The following SRGAP2B variants were observed in gnomAD, a reference collection of about 807,000 sequenced individuals.
SRGAP2B encodes the protein SLIT-ROBO Rho GTPase activating protein 2B.
Under a neutral mutation model 22.2 loss-of-function variants are expected in SRGAP2B, and 9 were observed. The observed-to-expected ratio is 0.41, with a 90% CI of 0.24 to 0.71. The LOEUF (loss-of-function observed/expected upper bound fraction) is 0.71, where lower values mean the gene tolerates loss of function less well. SRGAP2B is among the 30% of genes least tolerant of loss of function. SRGAP2B has a pLI of 0.35. For missense variants in SRGAP2B, 114 were observed against 235.8 expected (o/e 0.48, Z 3.38); for synonymous variants, 36 against 87.4 (o/e 0.41, Z 3.28).
intron 3 of SRGAP2B, among the ~76,000 whole-genome samples, chr1:144,974,037 T>C (rs1553613800): frequency 6.6e-6 from 1 of 151,102 alleles, no homozygotes; most frequent in Admixed American, 6.6e-5. Flanking sequence ...ATAAGGTCCC[T>C]AGTCCTAGAT....
chr1:145,006,116 C>T (rs1283997912), intron 2 of SRGAP2B, among the ~76,000 whole-genome samples: 10 of 150,924 alleles, frequency 6.6e-5, no homozygotes, highest in Non-Finnish European at 1.3e-4. Context: ...CTCTCAATCC[C>T]ACCCAGGCTT....
chr1:145,016,927 C>G (rs1571018018), intron 2 of SRGAP2B, among the ~76,000 whole-genome samples: 1 of 146,898 alleles, frequency 6.8e-6, no homozygotes, highest in African/African-American at 2.6e-5. Context: ...CTGCTCACCG[C>G]AAGCACCGCC....
rs1384114946 is a variant in SRGAP2B, at chr1:145,093,936, T to A, written c.-542-493A>T. Among the ~76,000 whole-genome samples the A allele has an allele frequency of 5.4e-5, 8 of 149,142 alleles. No homozygotes were observed. The East Asian group carries it at 7.8e-4, about 15-fold the overall frequency. ...TTTGTTTTTGGTTACTAGCTTCTCT[T>A]GGCAGCAAAATGTTGATGGGGGGGC... is the stretch of plus-strand genomic sequence containing the variant. On this transcript the variant is annotated intron_variant, in intron 1 of 9. Transcript: ENST00000612199.
intron 3 of SRGAP2B, among the ~76,000 whole-genome samples, chr1:144,963,973 C>T (rs1283105284): frequency 1.3e-5 from 2 of 150,820 alleles, no homozygotes; most frequent in East Asian, 1.9e-4. Context: ...AGTCCCCTTA[C>T]ATGGCTCATA....
intron 3 of SRGAP2B, among the ~76,000 whole-genome samples, chr1:144,971,915 G>A (rs1458601963): frequency 6.7e-6 from 1 of 149,916 alleles, no homozygotes; most frequent in Non-Finnish European, 1.5e-5. Context: ...TTTCATTGTG[G>A]TGGTTATTAC....
chr1:145,080,883 A>T (rs9331216), intron 2 of SRGAP2B, among the ~76,000 whole-genome samples: 1 of 149,644 alleles, frequency 6.7e-6, no homozygotes, highest in African/African-American at 2.5e-5. Context: ...AAGCAAAAAT[A>T]ATGAACCCTG....
At chr1:145,051,448 G>A (rs587635186) in intron 2 of SRGAP2B, among the ~76,000 whole-genome samples, 26 of 150,332 alleles carry the variant, frequency 1.7e-4, no homozygotes, top group Non-Finnish European at 5.9e-5. Flanking sequence ...CAGCATGGAG[G>A]CTCTCTCTCC....
intron 4 of SRGAP2B, among the ~76,000 whole-genome samples, chr1:144,944,911 C>T (rs1666378277): frequency 6.7e-6 from 1 of 149,062 alleles, no homozygotes; most frequent in Non-Finnish European, 1.5e-5. Flanking sequence ...AGGCATGTAC[C>T]ACCATGCCCA....
intron 3 of SRGAP2B, among the ~76,000 whole-genome samples, chr1:144,969,981 A>C (rs1668378378): frequency 1.1e-4 from 17 of 150,748 alleles, no homozygotes; most frequent in Admixed American, 1.1e-3. Flanking sequence ...GGCAATCATT[A>C]AAAAGTCAGG....
At chr1:145,008,937 C>G (rs1302028535) in intron 2 of SRGAP2B, among the ~76,000 whole-genome samples, 3 of 149,868 alleles carry the variant, frequency 2.0e-5, no homozygotes, top group African/African-American at 7.5e-5. Flanking sequence ...TTTGGGAGGC[C>G]AAGGCAGGCG....
chr1:145,066,617 C>T (rs1303163980), intron 2 of SRGAP2B, among the ~76,000 whole-genome samples: 2 of 150,988 alleles, frequency 1.3e-5, no homozygotes, highest in African/African-American at 2.4e-5. Flanking sequence ...TCTGCTTGCT[C>T]ACCTCTCCAC....
intron 2 of SRGAP2B, among the ~76,000 whole-genome samples, chr1:145,009,096 G>C (rs1418410917): frequency 2.1e-5 from 3 of 143,612 alleles, no homozygotes; most frequent in African/African-American, 8.1e-5. Context: ...AGAATGGCGT[G>C]AACCTGGGAG....
At chr1:144,993,923 C>T (rs1670456347) in intron 3 of SRGAP2B, among the ~76,000 whole-genome samples, 1 of 150,958 alleles carries the variant, frequency 6.6e-6, no homozygotes, top group South Asian at 2.1e-4. Context: ...GCTTTGAATG[C>T]AACCCAACGG....
chr1:145,030,703 TAAAAAAA>T (rs1178647433), intron 2 of SRGAP2B, among the ~76,000 whole-genome samples: 331 of 18,164 alleles, frequency 0.018, 2 homozygotes, highest in South Asian at 0.023. Flanking sequence ...AAGTATAATT[TAAAAAAA>T]AAAAAAAAAA....
chr1:144,927,069 C>T (rs1418431072), intron 4 of SRGAP2B, among the ~76,000 whole-genome samples: 5 of 150,752 alleles, frequency 3.3e-5, no homozygotes, highest in African/African-American at 1.2e-4. Context: ...CCTGCCTCAG[C>T]CTCCCAAGTA....
At chr1:144,915,767 C>T (rs1663832785) in intron 4 of SRGAP2B, among the ~76,000 whole-genome samples, 2 of 150,710 alleles carry the variant, frequency 1.3e-5, no homozygotes, top group Non-Finnish European at 1.5e-5. Flanking sequence ...AAGGAGGAAG[C>T]AGGAAGGAAA....
At chr1:144,981,184 T>C (rs1189586439) in intron 3 of SRGAP2B, among the ~76,000 whole-genome samples, 1 of 143,972 alleles carries the variant, frequency 6.9e-6, no homozygotes, top group Non-Finnish European at 1.5e-5. Flanking sequence ...TCAAAGTAAA[T>C]TCATTTAATT....
At chr1:144,990,784 A>G (rs1670128415) in intron 3 of SRGAP2B, among the ~76,000 whole-genome samples, 1 of 151,256 alleles carries the variant, frequency 6.6e-6, no homozygotes. Context: ...TGGGGGACTT[A>G]GCACCCGGGC....
intron 2 of SRGAP2B, among the ~76,000 whole-genome samples, chr1:145,019,970 C>A (rs1177569359): frequency 6.6e-6 from 1 of 151,162 alleles, no homozygotes; most frequent in South Asian, 2.1e-4. Context: ...TAGGGCTCCA[C>A]CTTAAGGCCT....
Sources: gnomAD v4.1 joint callset for allele counts (sites outside exome capture counted in the v4.1 genomes callset) on GRCh38, gnomAD v4.1.1 for gene constraint, MANE v1.5 for transcripts, NCBI Gene and HGNC (gene_info 2026-07-23, HGNC 2026-07-21) for gene names.